The following EXTL3 variants were observed in gnomAD, a reference collection of about 807,000 sequenced individuals.
EXTL3 encodes the protein exostosin like glycosyltransferase 3, also known as exostosin-like 3.
EXTL3 carries 27 observed loss-of-function variants against 69.3 expected under a neutral mutation model. That is an observed-to-expected ratio of 0.39 (90% confidence interval 0.29 to 0.54). The LOEUF is 0.54. Among genes scored for constraint, EXTL3 ranks in the 20% least tolerant of loss-of-function variants. The pLI, the probability that EXTL3 is intolerant of heterozygous loss-of-function variation, is 0.69. For missense variants in EXTL3, 1,003 were observed against 1,231.8 expected (o/e 0.81, Z 2.78); for synonymous variants, 511 against 499.4 (o/e 1.02, Z -0.31).
At chr8:28,662,820 G>C (rs1197310882) in intron 1 of EXTL3, among the ~76,000 whole-genome samples, 3 of 152,156 alleles carry the variant, frequency 2.0e-5, no homozygotes, top group African/African-American at 7.2e-5. Context: ...GCTGAGGTGG[G>C]AGCTCCTTGA....
chr8:28,695,812 G>A (rs1468065503), intron 1 of EXTL3, among the ~76,000 whole-genome samples: 1 of 152,172 alleles, frequency 6.6e-6, no homozygotes. Context: ...TAATGGTGGT[G>A]GTGATGGGGA....
downstream of EXTL3, among the ~76,000 whole-genome samples, chr8:28,756,305 G>C (rs1212159405): frequency 2.6e-5 from 4 of 151,932 alleles, no homozygotes; most frequent in Non-Finnish European, 5.9e-5. Context: ...TTTTCATTTT[G>C]GATTAGTTTT....
intron 3 of EXTL3, among the ~76,000 whole-genome samples, chr8:28,726,234 G>T (rs973850544): frequency 1.3e-5 from 2 of 152,164 alleles, no homozygotes; most frequent in Non-Finnish European, 2.9e-5. Context: ...GATTACAGGC[G>T]TGAGCCACTG....
At chr8:28,736,026 G>A (rs1250646107) in intron 4 of EXTL3, among the ~76,000 whole-genome samples, 2 of 152,158 alleles carry the variant, frequency 1.3e-5, no homozygotes, top group Non-Finnish European at 2.9e-5. Flanking sequence ...TGTTTAATGG[G>A]GACAGAGTTT....
At chr8:28,683,103 T>C (rs1183453390) in intron 1 of EXTL3, among the ~76,000 whole-genome samples, 1 of 152,224 alleles carries the variant, frequency 6.6e-6, no homozygotes, top group African/African-American at 2.4e-5. Flanking sequence ...CTCTCTATTC[T>C]GTTCCATTGG....
chr8:28,680,281 C>T (rs187244060), intron 1 of EXTL3, among the ~76,000 whole-genome samples: 29 of 151,038 alleles, frequency 1.9e-4, no homozygotes, highest in Admixed American at 1.7e-3. Context: ...ATCCCAGCTA[C>T]TCCGAGGCTG....
At chr8:28,647,801 A>G (rs942807841) in intron 1 of EXTL3, among the ~76,000 whole-genome samples, 1 of 152,038 alleles carries the variant, frequency 6.6e-6, no homozygotes, top group African/African-American at 2.4e-5. Context: ...AGAAGGCATA[A>G]ATGACAGCTC....
chr8:28,737,204 C>T (rs907666940), intron 4 of EXTL3, among the ~76,000 whole-genome samples: 1 of 152,170 alleles, frequency 6.6e-6, no homozygotes, highest in Non-Finnish European at 1.5e-5. Flanking sequence ...ATTCTGGAGC[C>T]CTCCTTAGTA....
intron 1 of EXTL3, among the ~76,000 whole-genome samples, chr8:28,649,961 C>T (rs1028327193): frequency 1.3e-5 from 2 of 152,032 alleles, no homozygotes; most frequent in African/African-American, 4.8e-5. Flanking sequence ...CTTTGGGAGG[C>T]TGAGGCAGGC....
chr8:28,673,065 G>C (rs2130645717), intron 1 of EXTL3, among the ~76,000 whole-genome samples: 1 of 152,328 alleles, frequency 6.6e-6, no homozygotes, highest in South Asian at 2.1e-4. Context: ...GGAACTGTGA[G>C]TCCATTAAAC....
chr8:28,642,046 A>G (rs1186296642), intron 1 of EXTL3, among the ~76,000 whole-genome samples: 1 of 151,600 alleles, frequency 6.6e-6, no homozygotes, highest in Non-Finnish European at 1.5e-5. Flanking sequence ...TGTGTTAGCC[A>G]GGATGGTCTC....
chr8:28,731,504 G>GAAC (rs1455843331), intron 4 of EXTL3, among the ~76,000 whole-genome samples, 154 bp downstream of exon 4: 1 of 152,200 alleles, frequency 6.6e-6, no homozygotes, highest in Non-Finnish European at 1.5e-5. Context: ...GCTCGTAGAT[G>GAAC]GCGTTGGAGG....
chr8:28,643,371 A>C (rs1376077129), intron 1 of EXTL3, among the ~76,000 whole-genome samples: 1 of 150,650 alleles, frequency 6.6e-6, no homozygotes, highest in Non-Finnish European at 1.5e-5. Flanking sequence ...AGAAGTAACC[A>C]CCGTCCTGAA....
At chr8:28,695,648 A>G (rs1337526456) in intron 1 of EXTL3, among the ~76,000 whole-genome samples, 2 of 152,226 alleles carry the variant, frequency 1.3e-5, no homozygotes, top group Non-Finnish European at 2.9e-5. Flanking sequence ...TTAATAGATC[A>G]AGCACTCTGT....
At chr8:28,713,610 A>G (rs748603614) in intron 2 of EXTL3, 60 bp downstream of exon 2, 28 of 689,290 alleles carry the variant, frequency 4.1e-5, no homozygotes, top group African/African-American at 8.9e-5. Context: ...TTTTTCTTCC[A>G]TTCTGTTGTT....
At chr8:28,679,360 C>T (rs919790602) in intron 1 of EXTL3, among the ~76,000 whole-genome samples, 3 of 152,226 alleles carry the variant, frequency 2.0e-5, no homozygotes, top group East Asian at 1.9e-4. Flanking sequence ...GCGGGAGAAT[C>T]GCTTGAACCT....
At chr8:28,658,556 G>A (rs767789288) in intron 1 of EXTL3, among the ~76,000 whole-genome samples, 1 of 151,800 alleles carries the variant, frequency 6.6e-6, no homozygotes, top group Admixed American at 6.6e-5. Context: ...TTATCTTGGA[G>A]ACTCTAAAAA....
chr8:28,750,954 C>T lies in EXTL3; in HGVS notation c.*88C>T. 1 of 1,185,842 alleles carries T rather than the reference C, an allele frequency of 8.4e-7. No homozygotes were observed. Among genetic ancestry groups the T allele is most frequent in the Non-Finnish European group, 1.2e-6 (1 of 810,570 alleles). The allele number at this position is 1,185,842 out of a possible 1,614,324, so 73.5% of individuals were successfully genotyped here. A position where few individuals can be genotyped will look rare whatever the true frequency, so the allele number is the denominator to read the frequency against. On this transcript the variant is annotated 3_prime_UTR_variant, in exon 7 of 7. Transcript: ENST00000220562. This position sits in a 1 kb window ranked among gnomAD's most constrained non-coding sequence, Gnocchi z 5.2. ...AGGCATTGCAGGACCTTGGGCACAT[C>T]TGCTGGTGGGTGGCCCAGAGCCTCT...
chr8:28,661,809 C>T (rs1807119950), intron 1 of EXTL3, among the ~76,000 whole-genome samples: 5 of 151,656 alleles, frequency 3.3e-5, no homozygotes, highest in Middle Eastern at 3.4e-3. Flanking sequence ...TGCTTGAACC[C>T]GGGAGGCAGA....
Sources: allele counts gnomAD v4.1 joint callset (sites outside exome capture counted in the v4.1 genomes callset), GRCh38; gene constraint gnomAD v4.1.1; non-coding constraint Gnocchi (gnomAD v3.1); transcripts MANE v1.5; gene names NCBI Gene and HGNC (gene_info 2026-07-23, HGNC 2026-07-21).